Variants in CHD8 observed in about 807,000 individuals in gnomAD.
CHD8 encodes the protein chromodomain helicase DNA binding protein 8.
CHD8 carries 31 observed loss-of-function variants against 279.2 expected under a neutral mutation model. That is an observed-to-expected ratio of 0.11 (90% CI 0.08 to 0.15). The LOEUF (loss-of-function observed/expected upper bound fraction) is 0.15. Ranked by LOEUF, CHD8 falls within the 10% of genes least tolerant of loss-of-function variation. The pLI is 1.00. For synonymous variants in CHD8, 1,081 were observed against 1,139.6 expected (o/e 0.95, Z 1.04); for missense variants, 2,146 against 3,230.5 (o/e 0.66, Z 8.14).
In CHD8 at chr14:21,400,632, A is replaced by G. The variant is rs752303799; in HGVS notation, c.4371-20T>C. 5 of 1,547,582 alleles carry G rather than the reference A, an allele frequency of 3.2e-6. No individual in the cohort carries two copies. The Admixed American group carries it at 6.6e-5, about 20-fold the overall frequency. On this transcript the variant is annotated intron_variant, in intron 22 of 37. Transcript: ENST00000646647. The surrounding 1 kb of genome is among the most constrained non-coding windows in gnomAD (Gnocchi z 4.2). Reference sequence around the variant, plus strand: ...CCCCAACTAAAAAACAGAAAACTATATTAACATTTTTCTGAGAAATGACAG... The same window carrying G: ...CCCCAACTAAAAAACAGAAAACTATGTTAACATTTTTCTGAGAAATGACAG...
intron 1 of CHD8, among the ~76,000 whole-genome samples, chr14:21,432,610 A>T (rs1288360428): frequency 6.6e-6 from 1 of 152,136 alleles, no homozygotes; most frequent in Non-Finnish European, 1.5e-5. Flanking sequence ...CCTTAATGTG[A>T]TTCCTACCTG....
At chr14:21,431,954 G>T (rs1889583171) in intron 1 of CHD8, 96 bp from the exon 2 acceptor site, 2 of 744,446 alleles carry the variant, frequency 2.7e-6, no homozygotes, top group Admixed American at 2.1e-5. Flanking sequence ...ATATCAAATA[G>T]CATGAATATA....
In CHD8 at chr14:21,408,450, G is replaced by A. The variant is rs1888342505; in HGVS notation, c.2592C>T (p.Val864=). Residue 864 remains valine (V), a synonymous_variant, in exon 13 of 38, where the codon GTC becomes GTT. Transcript: ENST00000646647. This position sits in a 1 kb window ranked among gnomAD's most constrained non-coding sequence, Gnocchi z 4.3. ...YNVGIHGPFL[V]IAPLSTITNW... is the part of the protein sequence containing the mutation. ...TAGTAATTGTGGACAGTGGGGCAAT[G>A]ACCAAGAAGGGACCATGGATGCCCA... 6.2e-7 allele frequency: 1 copy of A among 1,613,934 alleles called. No individual in the cohort carries two copies. Among genetic ancestry groups the A allele is most frequent in the South Asian group, 1.1e-5 (1 of 91,078 alleles).
chr14:21,394,279 T>C lies in CHD8; in HGVS notation c.5597A>G (p.Asp1866Gly). Reference protein sequence around the residue: ...QVCRLPPAAGDEPPDPNLFIE... With the variant: ...QVCRLPPAAGGEPPDPNLFIE... ...ACCCACTCTGCAATCTTGCTTACCA[T>C]CTCCAGCTGCTGGGGGAAGGCGGCA... Residue 1866 changes from aspartate to glycine, a missense_variant and splice_region_variant, in exon 31 of 38, where the codon GAT (aspartate) becomes GGT (glycine). Asp to Gly is a moderately conservative substitution (Grantham distance 94). Around this residue, in one of 26 missense-constraint regions of CHD8, gnomAD observed 513 missense variants for 637.6 expected, o/e 0.80. Transcript: ENST00000646647. The C allele has an allele frequency of 1.2e-6, 2 of 1,613,898 alleles. No individual in the cohort carries two copies. The highest frequency in any genetic ancestry group is 1.7e-6 in the Non-Finnish European group (2 of 1,179,862).
chr14:21,430,504 C>A (rs189270494), intron 2 of CHD8: 3 of 295,034 alleles, frequency 1.0e-5, no homozygotes, highest in African/African-American at 6.3e-5. Flanking sequence ...TGAACTCTTG[C>A]TTAATATCTG....
chr14:21,446,127 G>T (rs1299670992), intron 1 of CHD8, among the ~76,000 whole-genome samples: 1 of 152,112 alleles, frequency 6.6e-6, no homozygotes, highest in Non-Finnish European at 1.5e-5. Flanking sequence ...AGGCAGCAGA[G>T]GTTGCAGTGA....
At chr14:21,453,149 A>G (rs910314916) in intron 1 of CHD8, among the ~76,000 whole-genome samples, 1 of 151,672 alleles carries the variant, frequency 6.6e-6, no homozygotes, top group Admixed American at 6.6e-5. Context: ...TCTCTTAAGA[A>G]AGAAAGAAAG....
intron 1 of CHD8, among the ~76,000 whole-genome samples, chr14:21,444,186 A>G (rs960563502): frequency 1.3e-5 from 2 of 152,222 alleles, no homozygotes; most frequent in Non-Finnish European, 2.9e-5. Context: ...ATTTATGAGG[A>G]TTAATGAAAC....
intron 1 of CHD8, among the ~76,000 whole-genome samples, chr14:21,442,472 A>C (rs774799842): frequency 1.1e-4 from 16 of 151,352 alleles, no homozygotes; most frequent in Non-Finnish European, 2.2e-4. Flanking sequence ...CTCAAAATAA[A>C]ATAAAATAAA....
At chr14:21,397,100 T>G (rs10151764) in intron 27 of CHD8, 152,307 of 182,696 alleles carry the variant, frequency 0.83, 64,546 homozygotes, top group Non-Finnish European at 0.91. Context: ...TTCATTTGTA[T>G]GGTTCACGCT....
intron 34 of CHD8, 75 bp downstream of exon 34, chr14:21,392,432 C>T: frequency 2.9e-6 from 4 of 1,380,778 alleles, no homozygotes; most frequent in South Asian, 1.3e-5. Flanking sequence ...AGTTTAGTAA[C>T]CTATTAGTAA....
At chr14:21,453,066 C>T (rs28663442) in intron 1 of CHD8, among the ~76,000 whole-genome samples, 27,657 of 151,250 alleles carry the variant, frequency 0.18, 3,393 homozygotes, top group African/African-American at 0.3. Flanking sequence ...CCCAGCACTT[C>T]GGGAGGCCAA....
intron 37 of CHD8, among the ~76,000 whole-genome samples, chr14:21,388,229 G>GTTA (rs1438180789): frequency 6.6e-6 from 1 of 152,102 alleles, no homozygotes; most frequent in African/African-American, 2.4e-5. Flanking sequence ...ATTCCATGTG[G>GTTA]TTATATAGAC....
intron 27 of CHD8, chr14:21,396,886 T>C (rs1887809606): frequency 6.5e-6 from 1 of 154,040 alleles, no homozygotes; most frequent in Admixed American, 6.4e-5. Flanking sequence ...AGTATTTAAT[T>C]TCGTGTTTAC....
intron 1 of CHD8, among the ~76,000 whole-genome samples, chr14:21,442,758 G>C (rs1282735357): frequency 7.1e-4 from 10 of 14,084 alleles, no homozygotes; most frequent in South Asian, 3.8e-3. Flanking sequence ...GGGGAGGAGA[G>C]GGGAGGAGAG....
intron 27 of CHD8, among the ~76,000 whole-genome samples, chr14:21,396,351 G>C (rs1000297745): frequency 3.3e-5 from 5 of 151,814 alleles, no homozygotes; most frequent in African/African-American, 1.2e-4. Flanking sequence ...CTGTAGGCCA[G>C]GCTGGATTCC....
rs757806487 is a variant in CHD8 at position 21,422,690 on chromosome 14, G to A, written c.1716+3438C>T. ...TGCCTGTAATCCCAGAACTTTGGGA[G>A]GCTGAGGCGGGTGGATCGCTTGAGG... On this transcript the variant is annotated intron_variant, in intron 5 of 37. Coordinates refer to ENST00000646647, the MANE Select transcript of CHD8 (RefSeq NM_001170629.2). Among the ~76,000 whole-genome samples, 53 of 152,228 alleles carry A rather than the reference G, an allele frequency of 3.5e-4. 1 individual carries two copies. The highest frequency in any genetic ancestry group is 5.7e-4 in the Non-Finnish European group (39 of 68,044).
At position 21,393,537 on chromosome 14, in the gene CHD8, T is replaced by C. The variant is rs771262327; in HGVS notation, c.6258A>G (p.Ser2086=). ...SKLSPSSSSS[S]SSSSSSSSTD... is the part of the protein sequence containing the mutation. Reference sequence around the variant, plus strand: ...TGCTGGAGCTGGAGCTGGATGAGGATGAGGAAGAAGAAGAAGATGGTGACA... The same window carrying C: ...TGCTGGAGCTGGAGCTGGATGAGGACGAGGAAGAAGAAGAAGATGGTGACA... The change falls in exon 32 of 38, where the codon TCA becomes TCG. Residue 2086 remains serine, a synonymous_variant. Transcript: ENST00000646647. 4 of 1,603,732 alleles carry C rather than the reference T, an allele frequency of 2.5e-6. No homozygotes were observed. The highest frequency in any genetic ancestry group is 1.7e-6 in the Non-Finnish European group (2 of 1,174,920).
intron 35 of CHD8, 80 bp downstream of exon 35, chr14:21,391,753 C>T (rs1887553415): frequency 6.6e-7 from 1 of 1,519,280 alleles, no homozygotes; most frequent in Non-Finnish European, 9.1e-7. Flanking sequence ...TTCCATTCCC[C>T]CAGTCCCACT....
Sources: gnomAD v4.1 joint callset for allele counts (sites outside exome capture counted in the v4.1 genomes callset) on GRCh38, gnomAD v4.1.1 for gene constraint, gnomAD v4.1.1 regional missense constraint, Gnocchi (gnomAD v3.1) non-coding constraint, MANE v1.5 for transcripts, NCBI Gene and HGNC (gene_info 2026-07-23, HGNC 2026-07-21) for gene names.